MAD1L1: variants seen among roughly 807,000 people sequenced by gnomAD.
MAD1L1 encodes mitotic spindle assembly checkpoint protein MAD1.
In MAD1L1, 95 loss-of-function variants were observed where a neutral mutation model predicts 96.9. The ratio of observed to expected loss-of-function variants is 0.98; its 90% confidence interval spans 0.83 to 1.16. The LOEUF is 1.16. Ranked by LOEUF, MAD1L1 falls within the 50% of genes most tolerant of loss-of-function variation. MAD1L1 has a pLI of 0.00. For missense variants in MAD1L1, 1,007 were observed against 954.4 expected (o/e 1.06, Z -0.73); for synonymous variants, 473 against 396.6 (o/e 1.19, Z -2.29).
intron 12 of MAD1L1, among the ~76,000 whole-genome samples, chr7:2,038,563 A>G (rs1783544386): frequency 7.9e-6 from 1 of 126,334 alleles, no homozygotes; most frequent in South Asian, 2.7e-4. Context: ...CCCAGGCTGG[A>G]GCACGGTGGC....
At chr7:1,975,792 C>T (rs1006338535) in intron 15 of MAD1L1, among the ~76,000 whole-genome samples, 2 of 152,194 alleles carry the variant, frequency 1.3e-5, no homozygotes, top group East Asian at 3.9e-4. Context: ...GGCAGGCCGG[C>T]GTCTCCAGGG....
At chr7:2,138,525 T>C (rs951758256) in intron 11 of MAD1L1, among the ~76,000 whole-genome samples, 8 of 152,280 alleles carry the variant, frequency 5.3e-5, no homozygotes, top group South Asian at 2.1e-4. Flanking sequence ...GAGGTGGGGA[T>C]TGGGGGCATG....
chr7:1,967,820 G>C (rs1780232007), intron 15 of MAD1L1, among the ~76,000 whole-genome samples: 1 of 152,208 alleles, frequency 6.6e-6, no homozygotes, highest in Non-Finnish European at 1.5e-5. Flanking sequence ...TCAGAACACA[G>C]AGCACACGGC....
At chr7:1,879,496 G>A (rs1785563444) in intron 18 of MAD1L1, among the ~76,000 whole-genome samples, 2 of 150,428 alleles carry the variant, frequency 1.3e-5, no homozygotes, top group Non-Finnish European at 3.0e-5. Flanking sequence ...TTCCCAAATT[G>A]ATCTACAGAT....
intron 12 of MAD1L1, among the ~76,000 whole-genome samples, chr7:2,060,122 C>CCGAGATGT (rs1261021673): frequency 6.7e-6 from 1 of 149,456 alleles, no homozygotes; most frequent in African/African-American, 2.5e-5. Context: ...AGCCAAGATG[C>CCGAGATGT]CGAGATGTCG....
At chr7:1,865,057 C>T (rs570239779) in intron 18 of MAD1L1, among the ~76,000 whole-genome samples, 1 of 152,324 alleles carries the variant, frequency 6.6e-6, no homozygotes, top group East Asian at 1.9e-4. Context: ...ACCACGCTCT[C>T]ACTTGTCTAG....
chr7:2,177,142 C>T (rs1180630655), intron 10 of MAD1L1, among the ~76,000 whole-genome samples: 1 of 152,236 alleles, frequency 6.6e-6, no homozygotes, highest in East Asian at 1.9e-4. Flanking sequence ...ATAGTCTGGT[C>T]AAGTTTTTCT....
rs539594000 is a variant in MAD1L1, at chr7:1,903,273, C to T, written c.1808-4883G>A. Among the ~76,000 whole-genome samples the T allele has an allele frequency of 8.3e-5, 12 of 145,348 alleles. No individual in the cohort carries two copies. In the East Asian group the frequency reaches 1.7e-3, roughly 20 times the overall value. ...CAGTGGCCTACGGAAGACACTCTTG[C>T]GGAATTCATGATTGATGAAGCACTG... is the stretch of plus-strand genomic sequence containing the variant. On this transcript the variant is annotated intron_variant, in intron 17 of 18. Transcript: ENST00000265854.
At chr7:1,823,878 G>A (rs1278487810) in intron 18 of MAD1L1, among the ~76,000 whole-genome samples, 3 of 152,130 alleles carry the variant, frequency 2.0e-5, no homozygotes, top group Non-Finnish European at 4.4e-5. Flanking sequence ...AGCTCCAGGC[G>A]CCTGCTTCCC....
chr7:2,166,348 C>T (rs902241043), intron 10 of MAD1L1, among the ~76,000 whole-genome samples: 1 of 152,212 alleles, frequency 6.6e-6, no homozygotes, highest in Admixed American at 6.5e-5. Context: ...TGCCCTCGCA[C>T]TCTTTCTCCC....
intron 12 of MAD1L1, among the ~76,000 whole-genome samples, chr7:2,037,938 C>T (rs889992534): frequency 6.6e-6 from 1 of 152,184 alleles, no homozygotes; most frequent in Non-Finnish European, 1.5e-5. Flanking sequence ...GTGAGGAAGG[C>T]GTGCCAAAAG....
At chr7:2,167,617 C>T (rs1302455224) in intron 10 of MAD1L1, among the ~76,000 whole-genome samples, 1 of 152,028 alleles carries the variant, frequency 6.6e-6, no homozygotes, top group Non-Finnish European at 1.5e-5. Context: ...TGTAATCCAG[C>T]TACTCAGGAG....
intron 11 of MAD1L1, among the ~76,000 whole-genome samples, chr7:2,139,289 G>A (rs879576697): frequency 4.4e-4 from 63 of 141,820 alleles, no homozygotes; most frequent in African/African-American, 1.5e-3. Context: ...CACCCTCCCC[G>A]CACCCCCACC....
chr7:2,149,101 AC>A, intron 11 of MAD1L1, 50 bp downstream of exon 11: 1 of 1,544,750 alleles, frequency 6.5e-7, no homozygotes, highest in Admixed American at 1.7e-5. Flanking sequence ...CTCACCCCTA[AC>A]TCTCCAAAGC....
chr7:2,118,681 C>A (rs1787834310), intron 11 of MAD1L1, among the ~76,000 whole-genome samples: 1 of 152,194 alleles, frequency 6.6e-6, no homozygotes, highest in Admixed American at 6.5e-5. Context: ...CCACATACTG[C>A]TGCCCACACA....
intron 11 of MAD1L1, among the ~76,000 whole-genome samples, chr7:2,110,907 T>A (rs183153880): frequency 3.3e-5 from 5 of 152,242 alleles, no homozygotes; most frequent in South Asian, 4.2e-4. Context: ...GCCGAGGAGA[T>A]GACGGCGCGG....
chr7:2,068,815 G>A (rs889272959), intron 12 of MAD1L1, among the ~76,000 whole-genome samples: 1 of 152,174 alleles, frequency 6.6e-6, no homozygotes, highest in Non-Finnish European at 1.5e-5. Context: ...CCAAGCCCAG[G>A]CCAAGACCCA....
chr7:2,082,209 G>A (rs558731747), intron 11 of MAD1L1, among the ~76,000 whole-genome samples: 1 of 152,140 alleles, frequency 6.6e-6, no homozygotes, highest in African/African-American at 2.4e-5. Flanking sequence ...CCATGTGTGA[G>A]TGTGAGGGGG....
chr7:1,896,671 C>A (rs1786893294), intron 18 of MAD1L1, among the ~76,000 whole-genome samples: 1 of 152,212 alleles, frequency 6.6e-6, no homozygotes, highest in African/African-American at 2.4e-5. Context: ...GCTTGCTTCC[C>A]TCTTTTGGAT....
Sources: allele counts gnomAD v4.1 joint callset (sites outside exome capture counted in the v4.1 genomes callset), GRCh38; gene constraint gnomAD v4.1.1; transcripts MANE v1.5; gene names NCBI Gene and HGNC (gene_info 2026-07-23, HGNC 2026-07-21).